Variants in CLTCL1 observed in about 807,000 individuals in gnomAD.
CLTCL1 encodes clathrin heavy chain 2.
A neutral mutation model predicts 190.0 loss-of-function variants in CLTCL1; 159 were observed. The ratio of observed to expected loss-of-function variants is 0.84; its 90% CI spans 0.74 to 0.95. CLTCL1 has a LOEUF of 0.95. CLTCL1 is among the 40% of genes least tolerant of loss of function. The pLI, the probability that CLTCL1 is intolerant of heterozygous loss-of-function variation, is 0.00. For synonymous variants in CLTCL1, 752 were observed against 769.6 expected, an observed-to-expected ratio of 0.98 and a Z score of 0.38; for missense variants, 1,878 against 2,033.4, an observed-to-expected ratio of 0.92 and a Z score of 1.47.
chr22:19,232,189 G>C (rs1245532914), intron 10 of CLTCL1, among the ~76,000 whole-genome samples: 1 of 152,074 alleles, frequency 6.6e-6, no homozygotes, highest in Non-Finnish European at 1.5e-5. Flanking sequence ...GCCACGGGAT[G>C]GAGGGCTGGA....
intron 6 of CLTCL1, among the ~76,000 whole-genome samples, chr22:19,235,458 A>G (rs556255955): frequency 7.9e-5 from 12 of 152,356 alleles, no homozygotes; most frequent in Non-Finnish European, 1.6e-4. Context: ...GATGTGCATC[A>G]GAACTGCTGT....
At chr22:19,203,280 A>C (rs1440502201) in intron 22 of CLTCL1, among the ~76,000 whole-genome samples, 2 of 152,184 alleles carry the variant, frequency 1.3e-5, no homozygotes, top group Non-Finnish European at 2.9e-5. Context: ...GCACCACTGC[A>C]CTCTAGCTTG....
chr22:19,194,558 T>C (rs191370833), intron 26 of CLTCL1, among the ~76,000 whole-genome samples: 2 of 152,360 alleles, frequency 1.3e-5, no homozygotes, highest in African/African-American at 2.4e-5. Context: ...GGATAGCTGG[T>C]TGGCGTGCTG....
chr22:19,208,702 C>A (rs1555944483), intron 21 of CLTCL1, among the ~76,000 whole-genome samples: 1 of 151,608 alleles, frequency 6.6e-6, no homozygotes, highest in African/African-American at 2.4e-5. Flanking sequence ...CTTAAATGAC[C>A]TCATCTTGTA....
At chr22:19,282,615 C>T (rs1348518744) in intron 1 of CLTCL1, among the ~76,000 whole-genome samples, 1 of 146,344 alleles carries the variant, frequency 6.8e-6, no homozygotes, top group Non-Finnish European at 1.5e-5. Flanking sequence ...GGCGACAGAG[C>T]GAGACTCTGT....
In CLTCL1 at chr22:19,222,086, G is replaced by C; in HGVS notation, c.2426C>G (p.Pro809Arg). 2.5e-6 allele frequency: 4 copies of C among 1,613,944 alleles called. No individual in the cohort carries two copies. Among genetic ancestry groups the C allele is most frequent in the Non-Finnish European group, 3.4e-6 (4 of 1,179,844 alleles). ...TCCAATCACAGCTGGGGTCCGGCTA[G>C]GGTTGACCTAGGGTAGTCAAGGTCA... is the stretch of plus-strand genomic sequence containing the variant. The part of the protein sequence containing the change: ...YIEIYVQKVN[P>R]SRTPAVIGGL... The change falls in exon 16 of 33, where the codon CCT becomes CGT. Residue 809 changes from proline to arginine, a missense_variant. Physicochemically the swap from Pro to Arg is moderately radical, Grantham distance 103 (BLOSUM62 -2). Coordinates refer to ENST00000427926, the MANE Select transcript of CLTCL1 (RefSeq NM_007098.4).
intron 4 of CLTCL1, among the ~76,000 whole-genome samples, chr22:19,239,998 G>C (rs2086201403): frequency 3.3e-5 from 5 of 149,976 alleles, no homozygotes; most frequent in Admixed American, 2.7e-4. Flanking sequence ...GCTCAGGCTG[G>C]AGTGCAGTGG....
At chr22:19,285,683 A>G (rs2087882381) in intron 1 of CLTCL1, among the ~76,000 whole-genome samples, 1 of 152,182 alleles carries the variant, frequency 6.6e-6, no homozygotes, top group Admixed American at 6.5e-5. Context: ...AGGCCTCAAG[A>G]GAAGTGGAAG....
intron 2 of CLTCL1, among the ~76,000 whole-genome samples, chr22:19,274,369 T>C (rs782384145): frequency 1.3e-5 from 2 of 152,036 alleles, no homozygotes; most frequent in African/African-American, 2.4e-5. Flanking sequence ...AAATATTCCA[T>C]CAAAAAGAGC....
intron 12 of CLTCL1, 88 bp downstream of exon 12, chr22:19,226,131 C>T (rs1569195462): frequency 1.4e-6 from 2 of 1,437,992 alleles, no homozygotes; most frequent in Non-Finnish European, 1.9e-6. Flanking sequence ...CACAGTTCCA[C>T]AATCACCAAC....
Position 19,224,167 on chromosome 22 carries a change from C to T in CLTCL1, c.2129-113G>A, listed in dbSNP as rs571341252. The T allele has an allele frequency of 6.6e-5, 67 of 1,014,712 alleles. No individual in the cohort carries two copies. In the African/African-American group the frequency reaches 9.6e-4, roughly 15 times the overall value. The allele number at this position is 1,014,712 out of a possible 1,614,324, so 62.9% of individuals were successfully genotyped here. ...CTCCACTCTCCAGGGACCCACAGCA[C>T]ACTCAGAACTCATAATCAATATGCC... On this transcript the variant is annotated intron_variant, in intron 13 of 32. Transcript: ENST00000427926.
At chr22:19,201,280 A>G in intron 23 of CLTCL1, 49 bp downstream of exon 23, 1 of 1,556,690 alleles carries the variant, frequency 6.4e-7, no homozygotes, top group Non-Finnish European at 8.7e-7. Flanking sequence ...GGACACGGAG[A>G]GCGTGCCTGT....
intron 32 of CLTCL1, 63 bp from the exon 33 acceptor site, chr22:19,180,032 T>A (rs1360365385): frequency 1.6e-6 from 1 of 625,172 alleles, no homozygotes; most frequent in Non-Finnish European, 2.8e-6. Context: ...CTCTCCTGGC[T>A]GCCCCTGAGT....
intron 1 of CLTCL1, among the ~76,000 whole-genome samples, chr22:19,283,028 C>G (rs763719599): frequency 6.6e-6 from 1 of 151,820 alleles, no homozygotes; most frequent in African/African-American, 2.4e-5. Flanking sequence ...CCCACTACCA[C>G]GCCTGGCTAA....
chr22:19,233,355 C>G, intron 8 of CLTCL1, 37 bp from the exon 9 acceptor site: 1 of 1,610,350 alleles, frequency 6.2e-7, no homozygotes. Context: ...AGTTAGGAGG[C>G]AGGTAGGGAG....
intron 3 of CLTCL1, among the ~76,000 whole-genome samples, chr22:19,243,742 G>C (rs2086331444): frequency 7.7e-6 from 1 of 129,620 alleles, no homozygotes; most frequent in African/African-American, 3.0e-5. Context: ...CTGTCACCCA[G>C]GCTGGAGTGC....
At chr22:19,227,764 T>C (rs540761101) in intron 11 of CLTCL1, among the ~76,000 whole-genome samples, 1 of 152,202 alleles carries the variant, frequency 6.6e-6, no homozygotes, top group East Asian at 1.9e-4. Flanking sequence ...ACCTGGCTAA[T>C]TTTTATATTT....
chr22:19,242,904 G>A lies in CLTCL1; in HGVS notation c.552C>T (p.Tyr184=). 1 of 1,613,930 alleles carries A rather than the reference G, an allele frequency of 6.2e-7. No homozygotes were observed. Among genetic ancestry groups the A allele is most frequent in the Non-Finnish European group, 8.5e-7 (1 of 1,179,872 alleles). ...GTTGTGAAACCTTCCTATCCACAGA[G>A]TAGAGCTGCATTGCTCCAACCACAC... ...QNRVVGAMQL[Y]SVDRKVSQPI... Residue 184 remains tyrosine (Y), a synonymous_variant, in exon 4 of 33, where the codon TAC becomes TAT. Transcript: ENST00000427926.
intron 27 of CLTCL1, among the ~76,000 whole-genome samples, chr22:19,188,563 C>G (rs1272264401): frequency 3.9e-5 from 6 of 151,960 alleles, no homozygotes; most frequent in African/African-American, 9.7e-5. Context: ...GCTGCTGATT[C>G]ATACAAGTGG....
Sources: allele counts gnomAD v4.1 joint callset (sites outside exome capture counted in the v4.1 genomes callset), GRCh38; gene constraint gnomAD v4.1.1; transcripts MANE v1.5; gene names NCBI Gene and HGNC (gene_info 2026-07-23, HGNC 2026-07-21).